Variants in SYN3 observed in about 807,000 individuals in gnomAD.
The protein encoded by SYN3 is synapsin-3.
Under a neutral mutation model 65.8 loss-of-function variants are expected in SYN3, and 35 were observed. That is an observed-to-expected ratio of 0.53 (90% CI 0.41 to 0.70). The LOEUF is 0.70. Ranked by LOEUF, SYN3 falls within the 30% of genes least tolerant of loss-of-function variation. The pLI is 0.00. For missense variants in SYN3, 680 were observed against 749.0 expected, an observed-to-expected ratio of 0.91 and a Z score of 1.08; for synonymous variants, 270 against 292.9, an observed-to-expected ratio of 0.92 and a Z score of 0.80.
chr22:32,526,762 G>A (rs372486073), intron 12 of SYN3, among the ~76,000 whole-genome samples: 40 of 152,024 alleles, frequency 2.6e-4, no homozygotes, highest in African/African-American at 9.7e-4. Context: ...CTCGTGATCC[G>A]CCCGCCTCGG....
chr22:32,969,395 C>T (rs1445758525), intron 3 of SYN3, among the ~76,000 whole-genome samples: 2 of 152,224 alleles, frequency 1.3e-5, no homozygotes, highest in African/African-American at 2.4e-5. Context: ...TCTCCTTTGG[C>T]TATCAGCTAT....
intron 6 of SYN3, among the ~76,000 whole-genome samples, chr22:32,610,136 C>T (rs2059421670): frequency 6.6e-6 from 1 of 151,962 alleles, no homozygotes; most frequent in African/African-American, 2.4e-5. Context: ...CAAAAATTAG[C>T]TGGGTGTGGT....
chr22:32,692,486 C>T (rs1375485653), intron 6 of SYN3, among the ~76,000 whole-genome samples: 1 of 152,192 alleles, frequency 6.6e-6, no homozygotes, highest in Non-Finnish European at 1.5e-5. Flanking sequence ...GCATTCAGGC[C>T]CTGGGACGAG....
intron 2 of SYN3, among the ~76,000 whole-genome samples, chr22:32,990,428 C>CCATT (rs1253866637): frequency 1.4e-5 from 2 of 147,586 alleles, no homozygotes; most frequent in Non-Finnish European, 2.9e-5. Context: ...ATCCATCCAT[C>CCATT]CATCCATCCA....
intron 6 of SYN3, among the ~76,000 whole-genome samples, chr22:32,807,384 TA>T (rs2046785677): frequency 9.3e-6 from 1 of 107,140 alleles, no homozygotes. Context: ...ATATAATATA[TA>T]TTATATATAA....
intron 12 of SYN3, among the ~76,000 whole-genome samples, chr22:32,521,655 C>T (rs1366273648): frequency 1.3e-5 from 2 of 151,958 alleles, no homozygotes; most frequent in African/African-American, 2.4e-5. Flanking sequence ...CCCATATTGG[C>T]CAGGCTGGTC....
chr22:32,965,885 G>A (rs1483989777), intron 3 of SYN3, among the ~76,000 whole-genome samples: 5 of 152,214 alleles, frequency 3.3e-5, no homozygotes, highest in South Asian at 2.1e-4. Context: ...TAGTAGAGAC[G>A]GGGTTTCGCT....
At chr22:32,619,226 CA>C (rs1300258026) in intron 6 of SYN3, among the ~76,000 whole-genome samples, 1 of 152,174 alleles carries the variant, frequency 6.6e-6, no homozygotes, top group Non-Finnish European at 1.5e-5. Context: ...CCTACCTAAC[CA>C]TATGATCGTG....
intron 6 of SYN3, among the ~76,000 whole-genome samples, chr22:32,842,385 C>T (rs925345212): frequency 2.0e-5 from 3 of 152,104 alleles, no homozygotes; most frequent in Admixed American, 2.0e-4. Context: ...AGGCCCTTTC[C>T]TCTCACCTAG....
intron 1 of SYN3, among the ~76,000 whole-genome samples, chr22:33,023,377 TGCC>T (rs1390888296): frequency 6.6e-6 from 1 of 152,214 alleles, no homozygotes; most frequent in Non-Finnish European, 1.5e-5. Flanking sequence ...CACACTTTCT[TGCC>T]TGCTGCTATG....
At chr22:32,668,327 G>C (rs562340633) in intron 6 of SYN3, among the ~76,000 whole-genome samples, 1 of 151,934 alleles carries the variant, frequency 6.6e-6, no homozygotes, top group Non-Finnish European at 1.5e-5. Context: ...AATGACAATC[G>C]GTTTTGTTTC....
chr22:32,640,802 G>T (rs1167876761), intron 6 of SYN3, among the ~76,000 whole-genome samples: 1 of 152,124 alleles, frequency 6.6e-6, no homozygotes, highest in East Asian at 1.9e-4. Context: ...GGGAGGCAGA[G>T]ATTGCAGTGA....
At chr22:32,714,574 T>A (rs531235667) in intron 6 of SYN3, among the ~76,000 whole-genome samples, 2,807 of 152,136 alleles carry the variant, frequency 0.018, 26 homozygotes, top group East Asian at 0.031. Flanking sequence ...AACTTTTCTT[T>A]TTTTTTTTTC....
chr22:32,817,217 C>CA (rs130285), intron 6 of SYN3, among the ~76,000 whole-genome samples: 2,521 of 144,668 alleles, frequency 0.017, 47 homozygotes, highest in African/African-American at 0.044. Flanking sequence ...GACTCTATCT[C>CA]AAAAAAAAAA....
chr22:32,981,389 C>A (rs1428123659), intron 2 of SYN3, among the ~76,000 whole-genome samples: 2 of 151,430 alleles, frequency 1.3e-5, no homozygotes, highest in African/African-American at 2.4e-5. Context: ...AGTTCGAGAC[C>A]AGTCTGACCA....
chr22:32,655,076 A>G (rs536146579), intron 6 of SYN3, among the ~76,000 whole-genome samples: 2 of 152,196 alleles, frequency 1.3e-5, no homozygotes, highest in Non-Finnish European at 2.9e-5. Context: ...CCAAATTTAT[A>G]TGTTGTAGCT....
intron 6 of SYN3, among the ~76,000 whole-genome samples, chr22:32,806,161 G>C (rs773565956): frequency 6.6e-6 from 1 of 152,030 alleles, no homozygotes; most frequent in Non-Finnish European, 1.5e-5. Flanking sequence ...CCCAGTGGGA[G>C]GTACCCGGTC....
intron 10 of SYN3, among the ~76,000 whole-genome samples, chr22:32,530,373 G>A (rs1161234536): frequency 1.3e-5 from 2 of 152,172 alleles, no homozygotes; most frequent in Admixed American, 6.5e-5. Context: ...TAATCAAGAG[G>A]AAGCAGAGGG....
chr22:32,846,176 G>A (rs1315900540), intron 6 of SYN3, among the ~76,000 whole-genome samples: 1 of 152,214 alleles, frequency 6.6e-6, no homozygotes, highest in African/African-American at 2.4e-5. Flanking sequence ...TGTTTGGCTG[G>A]TCTTAGTAGG....
Sources: allele counts gnomAD v4.1 joint callset (sites outside exome capture counted in the v4.1 genomes callset), GRCh38; gene constraint gnomAD v4.1.1; transcripts MANE v1.5; gene names NCBI Gene and HGNC (gene_info 2026-07-23, HGNC 2026-07-21).